FNBP1: variants seen among roughly 807,000 people sequenced by gnomAD.
FNBP1 encodes the protein formin binding protein 1.
In FNBP1, 26 loss-of-function variants were observed where a neutral mutation model predicts 90.6. The observed-to-expected ratio is 0.29, with a 90% CI of 0.21 to 0.40. FNBP1 has a LOEUF of 0.40. Ranked by LOEUF, FNBP1 falls within the 10% of genes least tolerant of loss-of-function variation. The probability of loss-of-function intolerance (pLI) is 1.00; values close to 1 mark genes in which losing one functional copy is unlikely to be tolerated. For missense variants in FNBP1, 635 were observed against 768.0 expected (o/e 0.83, Z 2.05); for synonymous variants, 260 against 265.2 (o/e 0.98, Z 0.19).
intron 4 of FNBP1, among the ~76,000 whole-genome samples, chr9:129,971,152 A>T (rs1349347939): frequency 6.6e-6 from 1 of 151,732 alleles, no homozygotes; most frequent in Admixed American, 6.6e-5. Context: ...CCGCCTCCCA[A>T]AGTTCTGGGA....
chr9:129,951,823 C>T (rs2046221943), intron 6 of FNBP1, among the ~76,000 whole-genome samples: 1 of 152,100 alleles, frequency 6.6e-6, no homozygotes, highest in Non-Finnish European at 1.5e-5. Context: ...TTTTACACAG[C>T]ATCTTCAGGT....
rs1388893480 is a variant in FNBP1, at chr9:129,889,485, G to A, written c.*1054C>T. On this transcript the variant is annotated 3_prime_UTR_variant, in exon 17 of 17. Transcript: ENST00000446176. ...TTTGGGAGGCTGAGGCAGGAGAATC[G>A]CTGGAACCCAGGAGGTGGAGGTTGT... is the stretch of plus-strand genomic sequence containing the variant. 3 of 186,072 alleles carry A rather than the reference G, an allele frequency of 1.6e-5. No homozygotes were observed. The highest frequency in any genetic ancestry group is 2.0e-4 in the South Asian group (1 of 5,124). 11.5% of individuals were successfully genotyped at this position (186,072 alleles called of 1,614,324 possible).
At chr9:129,987,646 T>C (rs1388864628) in intron 2 of FNBP1, among the ~76,000 whole-genome samples, 2 of 151,880 alleles carry the variant, frequency 1.3e-5, no homozygotes, top group Admixed American at 6.6e-5. Context: ...GTAGCTGGGA[T>C]GACAGGAGCG....
chr9:129,973,042 T>C (rs1377791999), intron 4 of FNBP1, among the ~76,000 whole-genome samples: 3 of 152,230 alleles, frequency 2.0e-5, no homozygotes, highest in African/African-American at 4.8e-5. Flanking sequence ...TGTATGCTCA[T>C]AGAGTTTTCA....
At chr9:130,007,239 C>CAAAAAAAAAAAA (rs72063140) in intron 1 of FNBP1, among the ~76,000 whole-genome samples, 11 of 76,966 alleles carry the variant, frequency 1.4e-4, no homozygotes, top group Admixed American at 4.1e-4. Flanking sequence ...GAGATCCTGT[C>CAAAAAAAAAAAA]AAAAAAAAAA....
At chr9:130,044,910 C>G (rs1161492766), upstream of FNBP1, 1 of 152,040 alleles carries the variant, frequency 6.6e-6, no homozygotes, top group Admixed American at 6.6e-5. Flanking sequence ...GCACTCCAGC[C>G]TGGGTGACAG....
intron 6 of FNBP1, among the ~76,000 whole-genome samples, chr9:129,949,488 T>A (rs940285573): frequency 3.3e-5 from 5 of 152,100 alleles, no homozygotes; most frequent in Non-Finnish European, 7.3e-5. Flanking sequence ...CTACTAAACA[T>A]CTGGTCACAC....
intron 2 of FNBP1, among the ~76,000 whole-genome samples, chr9:129,984,444 A>G (rs901301667): frequency 1.3e-5 from 2 of 152,204 alleles, no homozygotes; most frequent in African/African-American, 2.4e-5. Context: ...CAGCCCAGAC[A>G]GAAGTAAACT....
intron 2 of FNBP1, among the ~76,000 whole-genome samples, chr9:129,987,883 TTA>T (rs2052540783): frequency 6.6e-6 from 1 of 152,112 alleles, no homozygotes; most frequent in Non-Finnish European, 1.5e-5. Flanking sequence ...ATTCATTTCT[TTA>T]TATATATGAT....
chr9:129,923,569 CTCTG>C (rs2041433976), intron 10 of FNBP1, among the ~76,000 whole-genome samples: 1 of 149,148 alleles, frequency 6.7e-6, no homozygotes, highest in East Asian at 2.0e-4. Context: ...CAGAGCGAGA[CTCTG>C]TCTGGAAAAA....
At chr9:129,951,774 T>C (rs10988553) in intron 6 of FNBP1, among the ~76,000 whole-genome samples, 137,221 of 152,104 alleles carry the variant, frequency 0.9, 62,031 homozygotes, top group Non-Finnish European at 0.92. Flanking sequence ...GGGGAATTAT[T>C]TTAGTATAAC....
chr9:129,929,775 T>G, intron 6 of FNBP1, 80 bp from the exon 7 acceptor site: 4 of 1,370,852 alleles, frequency 2.9e-6, no homozygotes, highest in Non-Finnish European at 4.0e-6. Flanking sequence ...AGCCTAGAAC[T>G]GCACACTGGG....
chr9:129,945,467 G>A (rs2132454854), intron 6 of FNBP1, among the ~76,000 whole-genome samples: 1 of 152,236 alleles, frequency 6.6e-6, no homozygotes, highest in East Asian at 1.9e-4. Context: ...AGAAACGTGG[G>A]GAAGGCACTG....
intron 4 of FNBP1, among the ~76,000 whole-genome samples, chr9:129,960,353 C>A (rs2047600417): frequency 7.0e-6 from 1 of 142,214 alleles, no homozygotes; most frequent in African/African-American, 2.7e-5. Flanking sequence ...TGCTGTACTC[C>A]AGCCTGGGTG....
At chr9:129,899,275 A>G (rs2036396303) in intron 15 of FNBP1, among the ~76,000 whole-genome samples, 1 of 151,970 alleles carries the variant, frequency 6.6e-6, no homozygotes, top group Non-Finnish European at 1.5e-5. Context: ...ATGGGATTTC[A>G]CCATGTTGGC....
intron 6 of FNBP1, among the ~76,000 whole-genome samples, chr9:129,935,739 G>A (rs982434648): frequency 3.3e-5 from 5 of 151,918 alleles, no homozygotes; most frequent in Non-Finnish European, 5.9e-5. Flanking sequence ...CGCCTGTCTC[G>A]GTCTCCCAAA....
At chr9:129,895,304 AAGG>A (rs1420149729) in intron 16 of FNBP1, 27 of 1,061,136 alleles carry the variant, frequency 2.5e-5, no homozygotes, top group East Asian at 2.1e-4. Flanking sequence ...TTTAGTCAAG[AAGG>A]AGATGTTATT....
At chr9:129,897,417 C>T (rs1000004886) in intron 15 of FNBP1, among the ~76,000 whole-genome samples, 2 of 152,030 alleles carry the variant, frequency 1.3e-5, no homozygotes, top group Non-Finnish European at 2.9e-5. Flanking sequence ...TAAACTGGTA[C>T]GTCTTTCTTA....
In FNBP1 at chr9:130,041,812, T is replaced by C. The variant is rs1451256899; in HGVS notation, c.24+1140A>G. Reference sequence around the variant, plus strand: ...AACAAGGGAGGATGTGCTCTGTTTCTGTAATTGCTCTAACCTTGTTTTATT... The same window carrying C: ...AACAAGGGAGGATGTGCTCTGTTTCCGTAATTGCTCTAACCTTGTTTTATT... On this transcript the variant is annotated intron_variant, in intron 1 of 16. Coordinates refer to ENST00000446176, the MANE Select transcript of FNBP1 (RefSeq NM_015033.3). The surrounding 1 kb of genome is among the most constrained non-coding windows in gnomAD (Gnocchi z 4.3). 6.6e-6 allele frequency among the ~76,000 whole-genome samples: 1 copy of C among 152,208 alleles called. No individual in the cohort carries two copies. The highest frequency in any genetic ancestry group is 1.5e-5 in the Non-Finnish European group (1 of 68,038).
Sources: gnomAD v4.1 joint callset for allele counts (sites outside exome capture counted in the v4.1 genomes callset) on GRCh38, gnomAD v4.1.1 for gene constraint, Gnocchi (gnomAD v3.1) non-coding constraint, MANE v1.5 for transcripts, NCBI Gene and HGNC (gene_info 2026-07-23, HGNC 2026-07-21) for gene names.